The following DTX4 variants were observed in gnomAD, a reference collection of about 807,000 sequenced individuals.
The protein encoded by DTX4 is deltex E3 ubiquitin ligase 4.
In DTX4, 28 loss-of-function variants were observed where a neutral mutation model predicts 57.6. The ratio of observed to expected loss-of-function variants is 0.49; its 90% confidence interval spans 0.36 to 0.67. The LOEUF (loss-of-function observed/expected upper bound fraction) is 0.67. DTX4 is among the 30% of genes least tolerant of loss of function. The pLI is 0.00. For missense variants in DTX4, 715 were observed against 836.8 expected (o/e 0.85, Z 1.80); for synonymous variants, 316 against 331.0 (o/e 0.95, Z 0.49).
At chr11:59,173,027 C>G (rs1862347996) in intron 1 of DTX4, among the ~76,000 whole-genome samples, 1 of 152,180 alleles carries the variant, frequency 6.6e-6, no homozygotes, top group African/African-American at 2.4e-5. Flanking sequence ...TGTGGTTTTG[C>G]AAACCCAGCT....
intron 1 of DTX4, among the ~76,000 whole-genome samples, chr11:59,173,440 C>T (rs988359802): frequency 1.2e-4 from 18 of 152,194 alleles, no homozygotes; most frequent in Admixed American, 3.3e-4. Context: ...CTGGACGCCG[C>T]GGCATTGGCG....
intron 7 of DTX4, among the ~76,000 whole-genome samples, chr11:59,196,506 C>G (rs1046352309): frequency 6.6e-6 from 1 of 152,220 alleles, no homozygotes; most frequent in Non-Finnish European, 1.5e-5. Flanking sequence ...CCTTCAAAGT[C>G]CAATGGACCT....
intron 8 of DTX4, among the ~76,000 whole-genome samples, 197 bp downstream of exon 8, chr11:59,199,970 G>T (rs2135525762): frequency 6.6e-6 from 1 of 152,272 alleles, no homozygotes; most frequent in South Asian, 2.1e-4. Context: ...AGAATTAGGT[G>T]GGTGGGAGTG....
intron 1 of DTX4, among the ~76,000 whole-genome samples, chr11:59,178,500 G>A (rs1862422180): frequency 6.6e-6 from 1 of 152,190 alleles, no homozygotes; most frequent in Non-Finnish European, 1.5e-5. Context: ...TGAGTGCTCA[G>A]GGATATGTGA....
At chr11:59,183,854 A>G (rs1362724541) in intron 2 of DTX4, among the ~76,000 whole-genome samples, 1 of 152,222 alleles carries the variant, frequency 6.6e-6, no homozygotes, top group Non-Finnish European at 1.5e-5. Context: ...AACCTCCACT[A>G]AGGGAGTTGG....
Position 59,181,991 on chromosome 11 carries a change from G to T in DTX4, c.464G>T (p.Arg155Leu). ...RQTQRQRRVR[R>L]RLDLIYPMVT... ...ACCCAGCGCCAACGCCGCGTCCGCC[G>T]GCGCCTCGACCTCATCTACCCCATG... is the stretch of plus-strand genomic sequence containing the variant. The change falls in exon 2 of 9, where the codon CGG becomes CTG. Residue 155 changes from arginine to leucine, a missense_variant. Arg to Leu is a moderately radical substitution (Grantham distance 102). Transcript: ENST00000227451. 6.2e-7 allele frequency: 1 copy of T among 1,613,918 alleles called. No individual in the cohort carries two copies.
At chr11:59,180,592 G>C (rs1268444818) in intron 1 of DTX4, among the ~76,000 whole-genome samples, 1 of 152,300 alleles carries the variant, frequency 6.6e-6, no homozygotes. Context: ...AGCTTAAGCT[G>C]ACAGATGCAG....
In DTX4 at chr11:59,181,836, G is replaced by A. The variant is rs558443267; in HGVS notation, c.309G>A (p.Thr103=). ...GGGAGAACGACAATGGCTCCTGGACGCCCTACGACATGGAAGTGGGCATCA... is the reference window on the plus strand; with the variant it reads ...GGGAGAACGACAATGGCTCCTGGACACCCTACGACATGGAAGTGGGCATCA... ...WEWENDNGSW[T]PYDMEVGITI... Residue 103 remains threonine, a synonymous_variant, in exon 2 of 9, where the codon ACG becomes ACA. Coordinates refer to ENST00000227451, the MANE Select transcript of DTX4 (RefSeq NM_015177.2). The A allele has an allele frequency of 5.6e-6, 9 of 1,613,842 alleles. No individual in the cohort carries two copies. Among genetic ancestry groups the A allele is most frequent in the South Asian group, 3.3e-5 (3 of 91,082 alleles).
At chr11:59,202,312 T>C (rs143389057) in intron 8 of DTX4, among the ~76,000 whole-genome samples, 1,560 of 152,320 alleles carry the variant, frequency 0.01, 14 homozygotes, top group Non-Finnish European at 0.013. Context: ...TCAAGTCCCA[T>C]TTCTGCCATT....
At chr11:59,184,170 C>T (rs1013723155) in intron 2 of DTX4, among the ~76,000 whole-genome samples, 16 of 152,164 alleles carry the variant, frequency 1.1e-4, no homozygotes, top group African/African-American at 2.7e-4. Flanking sequence ...AATTTCTCCC[C>T]GATTTCACAC....
intron 8 of DTX4, among the ~76,000 whole-genome samples, chr11:59,204,397 G>A (rs1262837355): frequency 6.6e-6 from 1 of 152,182 alleles, no homozygotes; most frequent in Non-Finnish European, 1.5e-5. Context: ...TGTTCACAAC[G>A]TTTAGAGGCA....
intron 2 of DTX4, among the ~76,000 whole-genome samples, chr11:59,184,914 A>G (rs536795566): frequency 5.3e-5 from 8 of 152,128 alleles, no homozygotes; most frequent in Admixed American, 2.0e-4. Context: ...TGGCCATTTA[A>G]TTAGCGTGTT....
At chr11:59,194,106 C>G (rs1862633265) in intron 6 of DTX4, among the ~76,000 whole-genome samples, 2 of 152,104 alleles carry the variant, frequency 1.3e-5, no homozygotes, top group South Asian at 4.2e-4. Context: ...ACTGCCTCTT[C>G]CCACTAATGG....
chr11:59,195,910 G>A (rs1351830618), intron 7 of DTX4, among the ~76,000 whole-genome samples: 2 of 152,206 alleles, frequency 1.3e-5, no homozygotes, highest in Non-Finnish European at 2.9e-5. Flanking sequence ...AACGGTATTT[G>A]CACTTGTAAT....
chr11:59,195,354 C>A lies in DTX4; in HGVS notation c.1521C>A (p.Ile507=). 1 of 1,594,006 alleles carries A rather than the reference C, an allele frequency of 6.3e-7. No individual in the cohort carries two copies. Among genetic ancestry groups the A allele is most frequent in the Non-Finnish European group, 8.6e-7 (1 of 1,167,694 alleles). Residue 507 remains isoleucine, a synonymous_variant, in exon 7 of 9, where the codon ATC becomes ATA. Coordinates refer to ENST00000227451, the MANE Select transcript of DTX4 (RefSeq NM_015177.2). The part of the protein sequence containing the change: ...DCKTIRIIYS[I]PPGIQGPEHP... The stretch of plus-strand genomic sequence containing the variant: ...AAACCATCCGGATCATCTACAGCAT[C>A]CCCCCCGGCATTCAGGTGAGCCTTT...
chr11:59,189,239 C>G lies in DTX4; in HGVS notation c.1075C>G (p.Pro359Ala). 1 of 1,611,678 alleles carries G rather than the reference C, an allele frequency of 6.2e-7. No individual in the cohort carries two copies. The highest frequency in any genetic ancestry group is 2.2e-5 in the East Asian group (1 of 44,734). The stretch of plus-strand genomic sequence containing the variant: ...GCCACCAAAGCTGGTCCTACACCCA[C>G]CCCCCGTCAGCAAGAGTGAAATAAA... The part of the protein sequence containing the change: ...TRPPKLVLHP[P>A]PVSKSEIKSI... The change falls in exon 4 of 9, where the codon CCC becomes GCC. Residue 359 changes from proline (P) to alanine (A), a missense_variant. Coordinates refer to ENST00000227451, the MANE Select transcript of DTX4 (RefSeq NM_015177.2).
chr11:59,178,039 T>A (rs1862417004), intron 1 of DTX4, among the ~76,000 whole-genome samples: 2 of 152,170 alleles, frequency 1.3e-5, no homozygotes, highest in South Asian at 2.1e-4. Context: ...GCTATTAAAA[T>A]TTTTTTAAAA....
chr11:59,187,979 G>T (rs1862548214), intron 2 of DTX4, among the ~76,000 whole-genome samples: 1 of 152,248 alleles, frequency 6.6e-6, no homozygotes, highest in Non-Finnish European at 1.5e-5. Context: ...GGGAAATGCA[G>T]CTTCTCGTGC....
rs530897324 is a variant in DTX4 at position 59,183,593 on chromosome 11, C to A, written c.935+1131C>A. Among the ~76,000 whole-genome samples, 48 of 152,248 alleles carry A rather than the reference C, an allele frequency of 3.2e-4. No individual in the cohort carries two copies. The South Asian group carries it at 9.3e-3, about 30-fold the overall frequency. The stretch of plus-strand genomic sequence containing the variant: ...GATCCCAGCTGATCCGGATGGTTTT[C>A]AATTGCATTGGGTGCCTAAGTCTGA... On this transcript the variant is annotated intron_variant, in intron 2 of 8. Transcript: ENST00000227451.
Sources: allele counts gnomAD v4.1 joint callset (sites outside exome capture counted in the v4.1 genomes callset), GRCh38; gene constraint gnomAD v4.1.1; transcripts MANE v1.5; gene names NCBI Gene and HGNC (gene_info 2026-07-23, HGNC 2026-07-21).